Variants in ARID1B observed in about 807,000 individuals in gnomAD.
The protein encoded by ARID1B is AT-rich interaction domain 1B.
ARID1B carries 30 observed loss-of-function variants against 212.3 expected under a neutral mutation model. That is an observed-to-expected ratio of 0.14 (90% CI 0.11 to 0.19). The LOEUF (loss-of-function observed/expected upper bound fraction) is 0.19. Among genes scored for constraint, ARID1B ranks in the 10% least tolerant of loss-of-function variants. The probability of loss-of-function intolerance (pLI) is 1.00; values close to 1 mark genes in which losing one functional copy is unlikely to be tolerated. For synonymous variants in ARID1B, 1,402 were observed against 1,301.7 expected (o/e 1.08, Z -1.66); for missense variants, 2,891 against 3,204.0 (o/e 0.90, Z 2.36).
chr6:156,989,988 A>G (rs1778174653), intron 4 of ARID1B, among the ~76,000 whole-genome samples: 2 of 152,284 alleles, frequency 1.3e-5, no homozygotes, highest in South Asian at 4.1e-4. Flanking sequence ...CTTTACAATG[A>G]ATAATGTAAA....
intron 6 of ARID1B, among the ~76,000 whole-genome samples, chr6:157,127,794 A>AC (rs1562641052): frequency 8.2e-6 from 1 of 122,206 alleles, no homozygotes; most frequent in Non-Finnish European, 1.8e-5. Flanking sequence ...AAAAAAAAAA[A>AC]AAAAAAAAAA....
At chr6:156,815,283 G>A (rs1211001018) in intron 1 of ARID1B, among the ~76,000 whole-genome samples, 2 of 152,076 alleles carry the variant, frequency 1.3e-5, no homozygotes, top group Admixed American at 6.6e-5. Flanking sequence ...CTACTGTTGA[G>A]TTTGTCCATA....
intron 2 of ARID1B, among the ~76,000 whole-genome samples, chr6:156,855,490 C>A (rs1183289556): frequency 6.6e-6 from 1 of 152,174 alleles, no homozygotes; most frequent in Non-Finnish European, 1.5e-5. Flanking sequence ...GCAGACTACA[C>A]GCTTACCTTT....
At chr6:156,927,570 A>G (rs1178152597) in intron 3 of ARID1B, among the ~76,000 whole-genome samples, 1 of 152,134 alleles carries the variant, frequency 6.6e-6, no homozygotes, top group East Asian at 1.9e-4. Flanking sequence ...AATTTCCAGT[A>G]TATTTTTACT....
At position 156,778,432 on chromosome 6, in the gene ARID1B, G is replaced by A. The variant is rs1022306360; in HGVS notation, c.752G>A (p.Gly251Asp). 21 of 1,474,550 alleles carry A rather than the reference G, an allele frequency of 1.4e-5. No individual in the cohort carries two copies. The highest frequency in any genetic ancestry group is 4.6e-5 in the Admixed American group (2 of 43,524). 91.3% of individuals were successfully genotyped at this position (1,474,550 alleles called of 1,614,324 possible). ...GGAGGCGCCAAGGACAGTGCTGCGG[G>A]CGGCCAGGCCGACCCCCCGGGCCCG... ...QHGGAKDSAA[G>D]GQADPPGPPL... Residue 251 changes from glycine (G) to aspartate (D), a missense_variant, in exon 1 of 20, where the codon GGC (glycine) becomes GAC (aspartate). Transcript: ENST00000636930.
chr6:156,871,551 G>A, intron 2 of ARID1B: 1 of 1,480,978 alleles, frequency 6.8e-7, no homozygotes, highest in South Asian at 1.2e-5. Context: ...ACAGGGCCAA[G>A]ATGGGAATCC....
intron 4 of ARID1B, among the ~76,000 whole-genome samples, chr6:157,031,003 A>T (rs970578488): frequency 6.6e-6 from 1 of 151,862 alleles, no homozygotes; most frequent in Non-Finnish European, 1.5e-5. Context: ...CATGCTAATG[A>T]GGAGAACGAG....
chr6:157,118,414 C>T, intron 6 of ARID1B, among the ~76,000 whole-genome samples: 1 of 152,108 alleles, frequency 6.6e-6, no homozygotes, highest in Non-Finnish European at 1.5e-5. Context: ...TATCATTTTC[C>T]TAATGTATGC....
At chr6:156,864,255 A>G (rs1366568845) in intron 2 of ARID1B, among the ~76,000 whole-genome samples, 1 of 152,168 alleles carries the variant, frequency 6.6e-6, no homozygotes, top group Non-Finnish European at 1.5e-5. Context: ...CTGAAGATTA[A>G]TAATCTTGCA....
Position 156,989,861 on chromosome 6 carries a change from G to A in ARID1B, c.2247+54285G>A, listed in dbSNP as rs553939641. ...ACCTCCCGGGTGATGGGAGTCTTCT[G>A]TATTGCTGCCATGTGGGAGAATGAT... On this transcript the variant is annotated intron_variant, in intron 4 of 19. Transcript: ENST00000636930. Among the ~76,000 whole-genome samples, 7 of 152,264 alleles carry A rather than the reference G, an allele frequency of 4.6e-5. No individual in the cohort carries two copies. The South Asian group carries it at 1.2e-3, about 27-fold the overall frequency.
chr6:157,060,668 A>C (rs879912249), intron 4 of ARID1B, among the ~76,000 whole-genome samples: 1 of 53,430 alleles, frequency 1.9e-5, no homozygotes, highest in African/African-American at 9.8e-5. Flanking sequence ...CTATTCTTTC[A>C]TTGTCTCATC....
intron 5 of ARID1B, among the ~76,000 whole-genome samples, chr6:157,105,005 G>A (rs1583313643): frequency 6.6e-6 from 1 of 152,322 alleles, no homozygotes; most frequent in African/African-American, 2.4e-5. Flanking sequence ...GTGCTAGCCA[G>A]TGGAACAGAA....
chr6:157,029,815 T>A (rs999284384), intron 4 of ARID1B, among the ~76,000 whole-genome samples: 8 of 152,156 alleles, frequency 5.3e-5, no homozygotes, highest in Admixed American at 3.9e-4. Flanking sequence ...TGGTTTAGCT[T>A]CTTGTGGACC....
chr6:157,097,870 T>G, intron 5 of ARID1B, among the ~76,000 whole-genome samples: 1 of 152,194 alleles, frequency 6.6e-6, no homozygotes, highest in Non-Finnish European at 1.5e-5. Flanking sequence ...CAACTGTGGT[T>G]AGTTATTAGC....
At chr6:156,997,267 A>C (rs1373529507) in intron 4 of ARID1B, among the ~76,000 whole-genome samples, 5 of 152,206 alleles carry the variant, frequency 3.3e-5, no homozygotes, top group African/African-American at 1.2e-4. Flanking sequence ...CATCTGAAGA[A>C]ACCATAGAAG....
chr6:156,978,883 C>T (rs145503766), intron 4 of ARID1B, among the ~76,000 whole-genome samples: 1 of 152,146 alleles, frequency 6.6e-6, no homozygotes, highest in African/African-American at 2.4e-5. Context: ...GTATGTTATT[C>T]CATTTGTTCC....
At chr6:157,005,863 A>C (rs908752581) in intron 4 of ARID1B, among the ~76,000 whole-genome samples, 4 of 151,960 alleles carry the variant, frequency 2.6e-5, no homozygotes, top group African/African-American at 7.3e-5. Flanking sequence ...CCTGAACTTA[A>C]AACTCTCTGG....
intron 1 of ARID1B, 53 bp downstream of exon 1, chr6:156,779,524 C>G (rs887659581): frequency 1.6e-6 from 2 of 1,253,026 alleles, no homozygotes; most frequent in Non-Finnish European, 2.0e-6. Flanking sequence ...CGCCGCGCCG[C>G]GAGCCTGAGT....
chr6:157,139,674 CTA>C (rs1299502799), intron 7 of ARID1B, among the ~76,000 whole-genome samples: 3 of 149,010 alleles, frequency 2.0e-5, no homozygotes, highest in South Asian at 2.1e-4. Context: ...GGGTTAATAG[CTA>C]TATATATATA....
Sources: gnomAD v4.1 joint callset for allele counts (sites outside exome capture counted in the v4.1 genomes callset) on GRCh38, gnomAD v4.1.1 for gene constraint, MANE v1.5 for transcripts, NCBI Gene and HGNC (gene_info 2026-07-23, HGNC 2026-07-21) for gene names.